CTIF: variants seen among roughly 807,000 people sequenced by gnomAD.
CTIF encodes cap binding complex dependent translation initiation factor.
A neutral mutation model predicts 66.0 loss-of-function variants in CTIF; 21 were observed. That is an observed-to-expected ratio of 0.32 (90% CI 0.23 to 0.46). CTIF has a LOEUF of 0.46. Ranked by LOEUF, CTIF falls within the 20% of genes least tolerant of loss-of-function variation. The pLI, the probability that CTIF is intolerant of heterozygous loss-of-function variation, is 1.00. For missense variants in CTIF, 739 were observed against 812.7 expected, an observed-to-expected ratio of 0.91 and a Z score of 1.10; for synonymous variants, 345 against 326.4, an observed-to-expected ratio of 1.06 and a Z score of -0.62.
intron 1 of CTIF, among the ~76,000 whole-genome samples, chr18:48,553,716 C>T (rs1317634136): frequency 6.6e-6 from 1 of 150,424 alleles, no homozygotes; most frequent in Non-Finnish European, 1.5e-5. Context: ...AGTGCAGTGG[C>T]GTGATCTCAG....
At chr18:48,799,820 T>C (rs1478176512) in intron 9 of CTIF, among the ~76,000 whole-genome samples, 2 of 152,160 alleles carry the variant, frequency 1.3e-5, no homozygotes, top group African/African-American at 4.8e-5. Context: ...ACGCAGCAGG[T>C]ACATTGCCGA....
At chr18:48,567,518 C>T (rs751193889) in intron 1 of CTIF, 20 of 152,096 alleles carry the variant, frequency 1.3e-4, no homozygotes, top group South Asian at 2.1e-4. Context: ...GCCCCAGGGA[C>T]GACGATAGTT....
chr18:48,606,500 C>T (rs912916332), intron 1 of CTIF, among the ~76,000 whole-genome samples: 4 of 152,354 alleles, frequency 2.6e-5, no homozygotes, highest in Middle Eastern at 3.4e-3. Flanking sequence ...CTGAGCTGTG[C>T]AGACTCCAGG....
At chr18:48,633,924 A>G (rs1324249171) in intron 2 of CTIF, among the ~76,000 whole-genome samples, 1 of 152,168 alleles carries the variant, frequency 6.6e-6, no homozygotes, top group African/African-American at 2.4e-5. Context: ...TAGAACCATT[A>G]TCAGAAGCAG....
At chr18:48,844,555 C>T (rs1433536052) in intron 10 of CTIF, among the ~76,000 whole-genome samples, 3 of 152,206 alleles carry the variant, frequency 2.0e-5, no homozygotes, top group Admixed American at 6.5e-5. Flanking sequence ...CCCTCTGGGG[C>T]GCCTGGTCCG....
chr18:48,696,424 G>T (rs972019295), intron 6 of CTIF, among the ~76,000 whole-genome samples: 24 of 152,108 alleles, frequency 1.6e-4, no homozygotes, highest in African/African-American at 4.6e-4. Context: ...CCCATCCATC[G>T]CAGGGTGGAA....
chr18:48,603,935 G>T (rs959606242), intron 1 of CTIF, among the ~76,000 whole-genome samples: 1 of 147,890 alleles, frequency 6.8e-6, no homozygotes, highest in Non-Finnish European at 1.5e-5. Context: ...TGCAACCTCC[G>T]CCTCCCAGAT....
chr18:48,701,336 G>A (rs964162741), intron 6 of CTIF, among the ~76,000 whole-genome samples: 1 of 152,162 alleles, frequency 6.6e-6, no homozygotes, highest in Non-Finnish European at 1.5e-5. Context: ...ATTATCCAGG[G>A]AATGGAGCAT....
chr18:48,815,261 A>G (rs1267137722), intron 9 of CTIF, among the ~76,000 whole-genome samples: 2 of 152,228 alleles, frequency 1.3e-5, no homozygotes, highest in Non-Finnish European at 1.5e-5. Flanking sequence ...AAAACACCAT[A>G]AGGAGAAAAA....
intron 3 of CTIF, among the ~76,000 whole-genome samples, chr18:48,646,844 C>T (rs2091042069): frequency 7.8e-6 from 1 of 128,066 alleles, no homozygotes; most frequent in South Asian, 2.6e-4. Context: ...ATCACTCCTG[C>T]AGTAGGAGTA....
In CTIF at chr18:48,718,494, T is replaced by C. The variant is rs533875822; in HGVS notation, c.584+6799T>C. Among the ~76,000 whole-genome samples the C allele has an allele frequency of 1.1e-4, 17 of 152,256 alleles. 1 individual carries two copies. The South Asian group carries it at 2.7e-3, about 24-fold the overall frequency. Reference sequence around the variant, plus strand: ...CAAGAAACAGGAGCATGTATGAGGTTCCCAGCGTGACCGTAAGCATACCAT... The same window carrying C: ...CAAGAAACAGGAGCATGTATGAGGTCCCCAGCGTGACCGTAAGCATACCAT... On this transcript the variant is annotated intron_variant, in intron 7 of 11. Transcript: ENST00000256413.
At chr18:48,827,992 C>T (rs2068617565) in intron 10 of CTIF, among the ~76,000 whole-genome samples, 1 of 151,756 alleles carries the variant, frequency 6.6e-6, no homozygotes, top group African/African-American at 2.4e-5. Context: ...CTGGAGTCTC[C>T]CACCCACCCC....
intron 3 of CTIF, among the ~76,000 whole-genome samples, chr18:48,645,139 A>G (rs1479278147): frequency 6.6e-6 from 1 of 152,182 alleles, no homozygotes; most frequent in African/African-American, 2.4e-5. Context: ...AATGAACGTA[A>G]GAAGACTCGG....
intron 1 of CTIF, among the ~76,000 whole-genome samples, chr18:48,611,245 C>A (rs556787488): frequency 2.9e-4 from 44 of 152,350 alleles, no homozygotes; most frequent in Non-Finnish European, 6.0e-4. Context: ...GGCAGATGTG[C>A]CTGAGCTCCA....
rs1211936821 is a variant in CTIF, at chr18:48,859,593, G to A, written c.*34G>A. 1 of 1,600,492 alleles carries A rather than the reference G, an allele frequency of 6.2e-7. No homozygotes were observed. Among genetic ancestry groups the A allele is most frequent in the Non-Finnish European group, 8.6e-7 (1 of 1,168,144 alleles). ...GGGCCTGGCAGGCGGCCCACGGGCA[G>A]CTGGGGCCCTGGTGCACAGGGCCAG... On this transcript the variant is annotated 3_prime_UTR_variant, in exon 12 of 12. Coordinates refer to ENST00000256413, the MANE Select transcript of CTIF (RefSeq NM_014772.3).
At chr18:48,821,047 C>T (rs2068473398) in intron 10 of CTIF, among the ~76,000 whole-genome samples, 1 of 152,230 alleles carries the variant, frequency 6.6e-6, no homozygotes, top group African/African-American at 2.4e-5. Flanking sequence ...ATCAAATTAA[C>T]CATTCTTTAA....
At chr18:48,834,145 A>G (rs2146479239) in intron 10 of CTIF, among the ~76,000 whole-genome samples, 1 of 152,284 alleles carries the variant, frequency 6.6e-6, no homozygotes, top group Admixed American at 6.5e-5. Context: ...CTGCAGGCCA[A>G]GAGGCAAAGC....
chr18:48,814,633 C>G (rs1034271737), intron 9 of CTIF, among the ~76,000 whole-genome samples: 3 of 152,264 alleles, frequency 2.0e-5, no homozygotes, highest in Admixed American at 2.0e-4. Context: ...ATGAAACCAC[C>G]AAAAGATGTG....
intron 9 of CTIF, among the ~76,000 whole-genome samples, chr18:48,807,612 G>A (rs1455410921): frequency 2.2e-5 from 3 of 134,252 alleles, no homozygotes; most frequent in South Asian, 2.3e-4. Context: ...ACAGAGTCTC[G>A]CTCTGTTGCC....
Sources: allele counts gnomAD v4.1 joint callset (sites outside exome capture counted in the v4.1 genomes callset), GRCh38; gene constraint gnomAD v4.1.1; transcripts MANE v1.5; gene names NCBI Gene and HGNC (gene_info 2026-07-23, HGNC 2026-07-21).